EPB41L2: variants seen among roughly 807,000 people sequenced by gnomAD.
EPB41L2 encodes the protein band 4.1-like protein 2.
In EPB41L2, 43 loss-of-function variants were observed where a neutral mutation model predicts 113.0. The observed-to-expected ratio is 0.38, with a 90% CI of 0.30 to 0.49. The LOEUF (loss-of-function observed/expected upper bound fraction) is 0.49. EPB41L2 is among the 20% of genes least tolerant of loss of function. The pLI is 0.95. For missense variants in EPB41L2, 1,147 were observed against 1,223.4 expected (o/e 0.94, Z 0.93); for synonymous variants, 442 against 436.7 (o/e 1.01, Z -0.15).
At chr6:130,861,874 C>CCCAAA (rs1554238944) in intron 18 of EPB41L2, among the ~76,000 whole-genome samples, 6 of 120,676 alleles carry the variant, frequency 5.0e-5, no homozygotes, top group African/African-American at 1.9e-4. Flanking sequence ...TCCATCTCCC[C>CCCAAA]AAAAAAAAAA....
At chr6:130,943,821 A>G (rs1319268255) in intron 3 of EPB41L2, among the ~76,000 whole-genome samples, 1 of 152,162 alleles carries the variant, frequency 6.6e-6, no homozygotes, top group Non-Finnish European at 1.5e-5. Context: ...TAAGAATTAT[A>G]GTATCTTCAA....
chr6:130,997,172 T>C (rs1445711138), intron 1 of EPB41L2, among the ~76,000 whole-genome samples: 1 of 152,208 alleles, frequency 6.6e-6, no homozygotes, highest in Non-Finnish European at 1.5e-5. Context: ...TTGAACTGGA[T>C]TTAAAAGAAT....
chr6:130,880,863 A>G (rs1789092323), intron 12 of EPB41L2: 1 of 203,460 alleles, frequency 4.9e-6, no homozygotes, highest in East Asian at 1.1e-4. Flanking sequence ...GTAAAGTATA[A>G]TGATGTAAAA....
chr6:130,975,612 C>T (rs1482950632), intron 1 of EPB41L2, among the ~76,000 whole-genome samples: 3 of 152,202 alleles, frequency 2.0e-5, no homozygotes, highest in East Asian at 1.9e-4. Context: ...CTCACTTCTG[C>T]TCATCTAGCC....
intron 1 of EPB41L2, among the ~76,000 whole-genome samples, chr6:131,056,110 T>C (rs1284544381): frequency 6.6e-6 from 1 of 152,236 alleles, no homozygotes; most frequent in Admixed American, 6.5e-5. Flanking sequence ...TTCTTAATGT[T>C]GGCAACTAAC....
intron 17 of EPB41L2, among the ~76,000 whole-genome samples, chr6:130,864,041 T>C (rs1782949650): frequency 6.6e-6 from 1 of 152,206 alleles, no homozygotes; most frequent in South Asian, 2.1e-4. Context: ...TTAATCCAAG[T>C]AGTTCCTTTA....
At chr6:130,949,149 A>G (rs1372141877) in intron 3 of EPB41L2, among the ~76,000 whole-genome samples, 1 of 152,248 alleles carries the variant, frequency 6.6e-6, no homozygotes, top group East Asian at 1.9e-4. Context: ...AAGAATCTCT[A>G]TTATTTAGAC....
intron 9 of EPB41L2, 85 bp from the exon 10 acceptor site, chr6:130,894,526 G>A: frequency 8.4e-7 from 1 of 1,196,518 alleles, no homozygotes; most frequent in Admixed American, 1.8e-5. Context: ...AGATGTTTCT[G>A]TGAGAAGCAA....
chr6:131,035,484 A>C (rs1793112142), intron 1 of EPB41L2, among the ~76,000 whole-genome samples: 1 of 152,186 alleles, frequency 6.6e-6, no homozygotes, highest in Non-Finnish European at 1.5e-5. Context: ...CTTTACCTTC[A>C]AGATGCAGTC....
At chr6:130,928,106 AAAT>A (rs543969614) in intron 3 of EPB41L2, among the ~76,000 whole-genome samples, 133 of 152,316 alleles carry the variant, frequency 8.7e-4, no homozygotes, top group Middle Eastern at 6.8e-3. Flanking sequence ...ATAAATACAT[AAAT>A]AATAAAAAAT....
At chr6:131,047,879 T>A (rs1795764611) in intron 1 of EPB41L2, among the ~76,000 whole-genome samples, 1 of 152,024 alleles carries the variant, frequency 6.6e-6, no homozygotes, top group African/African-American at 2.4e-5. Context: ...CGGTGGCTCA[T>A]GCCTGTAATC....
chr6:131,004,978 A>G (rs898250626), intron 1 of EPB41L2, among the ~76,000 whole-genome samples: 6 of 152,230 alleles, frequency 3.9e-5, no homozygotes, highest in African/African-American at 7.2e-5. Context: ...TTTACTATTC[A>G]TAACAATCAA....
At chr6:130,948,540 A>C (rs1813718107) in intron 3 of EPB41L2, among the ~76,000 whole-genome samples, 1 of 152,226 alleles carries the variant, frequency 6.6e-6, no homozygotes, top group Admixed American at 6.5e-5. Flanking sequence ...ACGAAGAAAA[A>C]TAGACAATCC....
At chr6:130,939,233 C>T (rs1404976271) in intron 3 of EPB41L2, among the ~76,000 whole-genome samples, 1 of 151,948 alleles carries the variant, frequency 6.6e-6, no homozygotes, top group African/African-American at 2.4e-5. Flanking sequence ...ATGAATTGCA[C>T]CTATTTGCCA....
rs1361566251 is a variant in EPB41L2, at chr6:130,948,560, T to C, written c.705+6545A>G. 2.0e-5 allele frequency among the ~76,000 whole-genome samples: 3 copies of C among 152,090 alleles called. No individual in the cohort carries two copies. In the South Asian group the frequency reaches 6.2e-4, roughly 32 times the overall value. ...GAAAAATAGACAATCCAAAATTAAA[T>C]GGCAAAATAGAGTCACTAATCTCAG... On this transcript the variant is annotated intron_variant, in intron 3 of 19. Transcript: ENST00000337057.
At chr6:130,998,039 C>G (rs1783544721) in intron 1 of EPB41L2, among the ~76,000 whole-genome samples, 1 of 152,268 alleles carries the variant, frequency 6.6e-6, no homozygotes, top group South Asian at 2.1e-4. Flanking sequence ...CAAGCAATAA[C>G]AGTATTATGA....
intron 9 of EPB41L2, among the ~76,000 whole-genome samples, 187 bp from the exon 10 acceptor site, chr6:130,894,628 C>T (rs990823514): frequency 6.6e-6 from 1 of 152,074 alleles, no homozygotes; most frequent in Non-Finnish European, 1.5e-5. Context: ...CTACAAAAAG[C>T]AAGTAACAAC....
At position 130,842,212 on chromosome 6, in the gene EPB41L2, A is replaced by G. The variant is rs543607373; in HGVS notation, c.*6-1614T>C. Among the ~76,000 whole-genome samples, 3 of 152,322 alleles carry G rather than the reference A, an allele frequency of 2.0e-5. No individual in the cohort carries two copies. The East Asian group carries it at 5.8e-4, about 29-fold the overall frequency. ...TTGATTATTCAGGACAGATTGATTA[A>G]TCAACTTCATTGTTTTCTACCCTGT... On this transcript the variant is annotated intron_variant, in intron 19 of 19. Transcript: ENST00000337057.
At chr6:130,930,939 C>T (rs948350435) in intron 3 of EPB41L2, among the ~76,000 whole-genome samples, 5 of 151,740 alleles carry the variant, frequency 3.3e-5, no homozygotes, top group African/African-American at 4.8e-5. Context: ...ACTATAGTAA[C>T]TAAATTATAA....
Sources: gnomAD v4.1 joint callset for allele counts (sites outside exome capture counted in the v4.1 genomes callset) on GRCh38, gnomAD v4.1.1 for gene constraint, MANE v1.5 for transcripts, NCBI Gene and HGNC (gene_info 2026-07-23, HGNC 2026-07-21) for gene names.